KCNMB2: variants seen among roughly 807,000 people sequenced by gnomAD.
KCNMB2 encodes potassium calcium-activated channel subfamily M regulatory beta subunit 2.
Under a neutral mutation model 24.5 loss-of-function variants are expected in KCNMB2, and 9 were observed. The observed-to-expected ratio is 0.37, with a 90% CI of 0.22 to 0.64. The LOEUF (loss-of-function observed/expected upper bound fraction) is 0.64. Among genes scored for constraint, KCNMB2 ranks in the 30% least tolerant of loss-of-function variants. The pLI is 0.63. For missense variants in KCNMB2, 226 were observed against 284.3 expected (o/e 0.79, Z 1.47); for synonymous variants, 109 against 104.4 (o/e 1.04, Z -0.27).
chr3:178,667,389 T>C (rs1273321825), intron 1 of KCNMB2, among the ~76,000 whole-genome samples: 1 of 152,072 alleles, frequency 6.6e-6, no homozygotes, highest in Non-Finnish European at 1.5e-5. Context: ...ATGACCCTCA[T>C]AAAAAAGGCT....
chr3:178,559,663 C>G (rs886996145), intron 1 of KCNMB2, among the ~76,000 whole-genome samples: 1 of 145,662 alleles, frequency 6.9e-6, no homozygotes, highest in African/African-American at 2.6e-5. Context: ...TTTCCAGGAC[C>G]CTTTTTTCCT....
At chr3:178,766,031 C>T (rs1227805826) in intron 1 of KCNMB2, among the ~76,000 whole-genome samples, 1 of 152,072 alleles carries the variant, frequency 6.6e-6, no homozygotes, top group African/African-American at 2.4e-5. Context: ...TAGAATATAA[C>T]CAAATGTTTT....
chr3:178,573,409 C>A (rs1217834501), intron 1 of KCNMB2, among the ~76,000 whole-genome samples: 2 of 151,984 alleles, frequency 1.3e-5, no homozygotes, highest in Non-Finnish European at 2.9e-5. Context: ...AATTGTTTTA[C>A]GTTCAGTCTT....
chr3:178,743,530 G>A (rs1032722112), intron 1 of KCNMB2, among the ~76,000 whole-genome samples: 1 of 152,240 alleles, frequency 6.6e-6, no homozygotes, highest in Non-Finnish European at 1.5e-5. Context: ...CTCCTGCTGT[G>A]TTGACAAAAT....
intron 4 of KCNMB2, among the ~76,000 whole-genome samples, chr3:178,838,478 C>T (rs9837378): frequency 0.061 from 9,307 of 151,650 alleles, 375 homozygotes; most frequent in African/African-American, 0.1. Context: ...ACGTGGTTTA[C>T]GATAAATGCC....
intron 1 of KCNMB2, among the ~76,000 whole-genome samples, chr3:178,606,154 T>C (rs1260989789): frequency 2.6e-5 from 4 of 152,176 alleles, no homozygotes; most frequent in African/African-American, 9.6e-5. Flanking sequence ...ATCTTATAGA[T>C]ACGTTTTATA....
Position 178,702,295 on chromosome 3 carries a change from G to T in KCNMB2, c.-67-105048G>T, listed in dbSNP as rs1391350278. Among the ~76,000 whole-genome samples the T allele has an allele frequency of 4.3e-4, 41 of 95,840 alleles. No individual in the cohort carries two copies. In the Admixed American group the frequency reaches 6.2e-3, roughly 14 times the overall value. 62.9% of individuals were successfully genotyped at this position (95,840 alleles called of 152,430 possible). A position where few individuals can be genotyped will look rare whatever the true frequency, so the allele number is the denominator to read the frequency against. On this transcript the variant is annotated intron_variant, in intron 1 of 4. Coordinates refer to ENST00000452583, the MANE Select transcript of KCNMB2 (RefSeq NM_181361.3). ...TAGGGCCTGTTGTGGGGTGGGGGGA[G>T]GGGGGAGGGATAGCGTTAGGAGATA... is the stretch of plus-strand genomic sequence containing the variant.
At chr3:178,691,105 G>GTATTTTTTTTTTTTTTTTTTTT (rs1310077931) in intron 1 of KCNMB2, among the ~76,000 whole-genome samples, 1 of 32,960 alleles carries the variant, frequency 3.0e-5, no homozygotes. Flanking sequence ...TCCCCATTAA[G>GTATTTTTTTTTTTTTTTTTTTT]TCTTTTTTTT....
Position 178,731,046 on chromosome 3 carries a change from T to C in KCNMB2, c.-67-76297T>C, listed in dbSNP as rs570590034. ...CTGCTTTAGTGGAAGAGACATACGA[T>C]ATACAACCAACATATTAAATTATAT... On this transcript the variant is annotated intron_variant, in intron 1 of 4. Transcript: ENST00000452583. Among the ~76,000 whole-genome samples the C allele has an allele frequency of 2.7e-3, 414 of 151,350 alleles. 5 individuals carry two copies. The highest frequency in any genetic ancestry group is 9.6e-3 in the African/African-American group (399 of 41,424).
At position 178,552,384 on chromosome 3, in the gene KCNMB2, C is replaced by T. The variant is rs374865594; in HGVS notation, c.-68+15673C>T. Among the ~76,000 whole-genome samples the T allele has an allele frequency of 1.0e-3, 152 of 151,992 alleles. 1 individual carries two copies. The highest frequency in any genetic ancestry group is 3.5e-3 in the African/African-American group (145 of 41,476). On this transcript the variant is annotated intron_variant, in intron 1 of 4. Coordinates refer to ENST00000452583, the MANE Select transcript of KCNMB2 (RefSeq NM_181361.3). ...CAGTTTTATTTTTTGAATTAAACCC[C>T]CCCCCAAAATATTCTATTCTTTTGC...
At chr3:178,607,800 G>T (rs1718329798) in intron 1 of KCNMB2, among the ~76,000 whole-genome samples, 1 of 152,096 alleles carries the variant, frequency 6.6e-6, no homozygotes, top group Admixed American at 6.5e-5. Flanking sequence ...TCTATGCTCT[G>T]TTATCTTGTT....
intron 1 of KCNMB2, among the ~76,000 whole-genome samples, chr3:178,554,187 C>T (rs747644190): frequency 2.6e-5 from 4 of 152,062 alleles, no homozygotes; most frequent in Non-Finnish European, 5.9e-5. Context: ...AGTGTTAAGG[C>T]CTAATTCAAA....
intron 1 of KCNMB2, among the ~76,000 whole-genome samples, chr3:178,783,305 G>A (rs1006494899): frequency 6.8e-6 from 1 of 146,518 alleles, no homozygotes; most frequent in Non-Finnish European, 1.5e-5. Flanking sequence ...GAACTTTAAA[G>A]TAGTTTTTTC....
At chr3:178,763,197 TC>T (rs1393211011) in intron 1 of KCNMB2, among the ~76,000 whole-genome samples, 19 of 152,260 alleles carry the variant, frequency 1.2e-4, no homozygotes, top group African/African-American at 4.6e-4. Flanking sequence ...GAAATCAAAC[TC>T]ATTAGGGAAC....
intron 1 of KCNMB2, among the ~76,000 whole-genome samples, chr3:178,645,898 A>G (rs754833977): frequency 6.6e-6 from 1 of 152,202 alleles, no homozygotes; most frequent in Non-Finnish European, 1.5e-5. Context: ...TAGGCATTTA[A>G]CAAATCTGAT....
chr3:178,574,554 G>A (rs931607622), intron 1 of KCNMB2, among the ~76,000 whole-genome samples: 4 of 152,140 alleles, frequency 2.6e-5, no homozygotes, highest in Non-Finnish European at 5.9e-5. Context: ...GAGGGAATCT[G>A]CCTGTTTGGC....
intron 1 of KCNMB2, among the ~76,000 whole-genome samples, chr3:178,629,789 G>A (rs1719249651): frequency 6.6e-6 from 1 of 152,186 alleles, no homozygotes; most frequent in Non-Finnish European, 1.5e-5. Flanking sequence ...GAAATGAATA[G>A]TCAACCAGAA....
chr3:178,680,907 T>C (rs1163598682), intron 1 of KCNMB2, among the ~76,000 whole-genome samples: 2 of 152,160 alleles, frequency 1.3e-5, no homozygotes, highest in East Asian at 1.9e-4. Flanking sequence ...TGAAGGACTG[T>C]CATTGAAAGC....
At chr3:178,556,954 A>AC (rs1716145534) in intron 1 of KCNMB2, among the ~76,000 whole-genome samples, 1 of 152,212 alleles carries the variant, frequency 6.6e-6, no homozygotes, top group African/African-American at 2.4e-5. Context: ...AGGAGGATGC[A>AC]TAGAATCGTA....
Sources: gnomAD v4.1 joint callset for allele counts (sites outside exome capture counted in the v4.1 genomes callset) on GRCh38, gnomAD v4.1.1 for gene constraint, MANE v1.5 for transcripts, NCBI Gene and HGNC (gene_info 2026-07-23, HGNC 2026-07-21) for gene names.